The following LRP1B variants were observed in gnomAD, a reference collection of about 807,000 sequenced individuals.
LRP1B encodes LDL receptor related protein 1B.
In LRP1B, 217 loss-of-function variants were observed where a neutral mutation model predicts 556.6. The observed-to-expected ratio is 0.39, with a 90% CI of 0.35 to 0.44. The LOEUF is 0.44. Among genes scored for constraint, LRP1B ranks in the 20% least tolerant of loss-of-function variants. The pLI is 1.00. For synonymous variants in LRP1B, 2,047 were observed against 1,865.8 expected, an observed-to-expected ratio of 1.10 and a Z score of -2.50; for missense variants, 5,053 against 5,620.8, an observed-to-expected ratio of 0.90 and a Z score of 3.23.
intron 20 of LRP1B, among the ~76,000 whole-genome samples, chr2:140,928,667 GAATA>G (rs1457706207): frequency 1.3e-5 from 2 of 152,044 alleles, no homozygotes; most frequent in Non-Finnish European, 2.9e-5. Context: ...CCAGAAAAGA[GAATA>G]ACTAGAAATA....
chr2:142,126,794 T>C (rs929205963), intron 1 of LRP1B, among the ~76,000 whole-genome samples: 3 of 151,302 alleles, frequency 2.0e-5, no homozygotes, highest in Admixed American at 1.3e-4. Context: ...ATATATAGAA[T>C]GGAGAAAAGA....
At chr2:140,814,866 T>C (rs1324994724) in intron 31 of LRP1B, among the ~76,000 whole-genome samples, 1 of 152,110 alleles carries the variant, frequency 6.6e-6, no homozygotes, top group Non-Finnish European at 1.5e-5. Flanking sequence ...CAACTTCACA[T>C]ATTACAGTGG....
intron 2 of LRP1B, among the ~76,000 whole-genome samples, chr2:141,804,137 C>G (rs191287366): frequency 6.6e-6 from 1 of 152,116 alleles, no homozygotes; most frequent in East Asian, 1.9e-4. Flanking sequence ...TTTCAAATGA[C>G]AATGTATTTT....
At chr2:141,506,746 A>T (rs999574878) in intron 2 of LRP1B, among the ~76,000 whole-genome samples, 2 of 152,012 alleles carry the variant, frequency 1.3e-5, no homozygotes, top group East Asian at 1.9e-4. Flanking sequence ...AGAAAAAAAA[A>T]ATTTACTTCT....
intron 39 of LRP1B, 87 bp from the exon 40 acceptor site, chr2:140,701,932 C>T: frequency 6.5e-7 from 1 of 1,530,016 alleles, no homozygotes; most frequent in East Asian, 2.3e-5. Flanking sequence ...ACAGATGGAC[C>T]AACAGAAGGG....
intron 2 of LRP1B, among the ~76,000 whole-genome samples, chr2:141,788,321 C>T (rs1695492081): frequency 6.6e-6 from 1 of 151,908 alleles, no homozygotes; most frequent in Non-Finnish European, 1.5e-5. Flanking sequence ...GTGAGCTATT[C>T]TATTGCATGT....
At chr2:141,718,186 T>A (rs1329342896) in intron 2 of LRP1B, among the ~76,000 whole-genome samples, 1 of 152,162 alleles carries the variant, frequency 6.6e-6, no homozygotes, top group Non-Finnish European at 1.5e-5. Flanking sequence ...AGCAGAAACA[T>A]GCTCCATTGA....
At chr2:141,403,300 G>A (rs553003450) in intron 3 of LRP1B, among the ~76,000 whole-genome samples, 2 of 152,002 alleles carry the variant, frequency 1.3e-5, no homozygotes, top group South Asian at 2.1e-4. Flanking sequence ...TTTCTATTTT[G>A]TACGTTTTAA....
intron 5 of LRP1B, among the ~76,000 whole-genome samples, chr2:141,234,365 A>G (rs528477357): frequency 6.6e-4 from 101 of 152,066 alleles, no homozygotes; most frequent in African/African-American, 2.4e-3. Flanking sequence ...GCAATTATTT[A>G]TTTTTTATTT....
chr2:141,092,272 T>G (rs998245006), intron 7 of LRP1B, among the ~76,000 whole-genome samples: 4 of 152,188 alleles, frequency 2.6e-5, no homozygotes, highest in African/African-American at 9.6e-5. Flanking sequence ...CATTGGACAC[T>G]GTATATTTTG....
chr2:140,579,508 G>C (rs1681672487), intron 43 of LRP1B, among the ~76,000 whole-genome samples: 1 of 152,086 alleles, frequency 6.6e-6, no homozygotes, highest in African/African-American at 2.4e-5. Flanking sequence ...GGAGACACCT[G>C]GGCTTTATCT....
At chr2:141,812,164 T>A (rs2105711520) in intron 1 of LRP1B, among the ~76,000 whole-genome samples, 1 of 152,224 alleles carries the variant, frequency 6.6e-6, no homozygotes, top group Non-Finnish European at 1.5e-5. Context: ...GGAGGAGGGC[T>A]TACATTTTGC....
chr2:140,971,303 C>T (rs907140311), intron 18 of LRP1B, among the ~76,000 whole-genome samples: 2 of 151,994 alleles, frequency 1.3e-5, no homozygotes, highest in African/African-American at 4.8e-5. Context: ...TTGCCCCAAG[C>T]CAAGAAACGC....
chr2:140,261,650 G>T (rs929616318), intron 86 of LRP1B, among the ~76,000 whole-genome samples: 2 of 151,690 alleles, frequency 1.3e-5, no homozygotes, highest in African/African-American at 4.8e-5. Flanking sequence ...GGAACACTGG[G>T]CACCCATTAA....
chr2:140,282,637 A>G (rs966299122), intron 84 of LRP1B, among the ~76,000 whole-genome samples: 1 of 151,802 alleles, frequency 6.6e-6, no homozygotes, highest in Non-Finnish European at 1.5e-5. Flanking sequence ...CTGTAGCAGC[A>G]AAGGCAGCAG....
chr2:141,478,867 T>G (rs903674157), intron 3 of LRP1B, among the ~76,000 whole-genome samples: 1 of 152,030 alleles, frequency 6.6e-6, no homozygotes, highest in Admixed American at 6.6e-5. Context: ...ATATCACTTT[T>G]TCATATACAA....
intron 2 of LRP1B, among the ~76,000 whole-genome samples, chr2:141,759,112 T>C (rs912872161): frequency 6.6e-6 from 1 of 151,976 alleles, no homozygotes; most frequent in African/African-American, 2.4e-5. Context: ...CTCTGAAAAA[T>C]GTTTTCAATC....
chr2:141,002,373 TA>T (rs1697450098), intron 15 of LRP1B, among the ~76,000 whole-genome samples: 1 of 152,020 alleles, frequency 6.6e-6, no homozygotes, highest in African/African-American at 2.4e-5. Context: ...GCTGTTTACA[TA>T]AAAAAGTACA....
At chr2:140,737,000 A>C (rs1317318064) in intron 35 of LRP1B, among the ~76,000 whole-genome samples, 1 of 152,120 alleles carries the variant, frequency 6.6e-6, no homozygotes, top group Non-Finnish European at 1.5e-5. Flanking sequence ...AAGGCCAAAA[A>C]TACATTGGCA....
Sources: gnomAD v4.1 joint callset for allele counts (sites outside exome capture counted in the v4.1 genomes callset) on GRCh38, gnomAD v4.1.1 for gene constraint, MANE v1.5 for transcripts, NCBI Gene and HGNC (gene_info 2026-07-23, HGNC 2026-07-21) for gene names.